The following MED15 variants were observed in gnomAD, a reference collection of about 807,000 sequenced individuals.
The protein encoded by MED15 is mediator complex subunit 15.
MED15 carries 41 observed loss-of-function variants against 118.7 expected under a neutral mutation model. That is an observed-to-expected ratio of 0.35 (90% CI 0.27 to 0.45). MED15 has a LOEUF of 0.45. Ranked by LOEUF, MED15 falls within the 20% of genes least tolerant of loss-of-function variation. The pLI, the probability that MED15 is intolerant of heterozygous loss-of-function variation, is 1.00. For missense variants in MED15, 740 were observed against 1,025.5 expected, an observed-to-expected ratio of 0.72 and a Z score of 3.80; for synonymous variants, 436 against 413.9, an observed-to-expected ratio of 1.05 and a Z score of -0.65.
intron 8 of MED15, among the ~76,000 whole-genome samples, chr22:20,572,174 T>C (rs1601617079): frequency 6.6e-6 from 1 of 152,246 alleles, no homozygotes; most frequent in South Asian, 2.1e-4. Context: ...ATGGTTCACT[T>C]TGAGGGCCTT....
chr22:20,584,288 G>GT, intron 13 of MED15, 71 bp from the exon 14 acceptor site: 1 of 1,484,792 alleles, frequency 6.7e-7, no homozygotes, highest in South Asian at 1.1e-5. Context: ...CCCAGTGGCA[G>GT]TAGTTGGGAT....
intron 1 of MED15, among the ~76,000 whole-genome samples, chr22:20,535,872 CTT>C (rs536712415): frequency 0.085 from 8,330 of 97,940 alleles, 235 homozygotes; most frequent in Non-Finnish European, 0.12. Context: ...TTCTTTCTTT[CTT>C]TTTTTTTTTT....
At chr22:20,516,013 A>AAAC (rs1569167494) in intron 1 of MED15, among the ~76,000 whole-genome samples, 11 of 92,888 alleles carry the variant, frequency 1.2e-4, no homozygotes, top group African/African-American at 4.0e-4. Context: ...AACAAACAAA[A>AAAC]AAAATTAAAA....
At chr22:20,552,925 C>T (rs2055837453) in intron 3 of MED15, among the ~76,000 whole-genome samples, 1 of 152,158 alleles carries the variant, frequency 6.6e-6, no homozygotes, top group Non-Finnish European at 1.5e-5. Flanking sequence ...CCCTAAGGCC[C>T]CAGGTTGACC....
intron 6 of MED15, among the ~76,000 whole-genome samples, chr22:20,565,160 G>A (rs2056391331): frequency 6.6e-6 from 1 of 152,178 alleles, no homozygotes; most frequent in Non-Finnish European, 1.5e-5. Context: ...CAAAAGTCTG[G>A]GACAGGCAGG....
intron 5 of MED15, among the ~76,000 whole-genome samples, chr22:20,562,641 C>T (rs141189607): frequency 3.3e-5 from 5 of 152,258 alleles, no homozygotes; most frequent in African/African-American, 1.2e-4. Flanking sequence ...CTGAGCCTCC[C>T]GAAGTGCTGG....
intron 9 of MED15, among the ~76,000 whole-genome samples, chr22:20,579,767 C>G (rs2056923920): frequency 6.6e-6 from 1 of 152,070 alleles, no homozygotes; most frequent in African/African-American, 2.4e-5. Flanking sequence ...CCTGAGCTCC[C>G]TTCATCACTA....
chr22:20,578,871 C>T (rs919590023), intron 9 of MED15, among the ~76,000 whole-genome samples: 3 of 152,186 alleles, frequency 2.0e-5, no homozygotes, highest in Non-Finnish European at 4.4e-5. Flanking sequence ...GTACGTGCCC[C>T]ATGGGCTCTT....
rs528653147 is a variant in MED15, at chr22:20,568,642, G to A, written c.1152+11G>A. On this transcript the variant is annotated intron_variant, in intron 8 of 17. Transcript: ENST00000263205. ...GCTCCCGGAGTCCAGGTGAGGGCCT[G>A]GGGGTGGAGGGCTCCATAGTCATCA... The A allele has an allele frequency of 6.2e-7, 1 of 1,611,168 alleles. No homozygotes were observed. Among genetic ancestry groups the A allele is most frequent in the Admixed American group, 1.7e-5 (1 of 59,752 alleles).
intron 2 of MED15, 123 bp from the exon 3 acceptor site, chr22:20,551,313 G>T (rs200241021): frequency 1.1e-6 from 1 of 891,326 alleles, no homozygotes; most frequent in African/African-American, 1.6e-5. Flanking sequence ...CCGAGCAAGC[G>T]TCTGAATCTG....
At chr22:20,553,633 G>A (rs2055874825) in intron 4 of MED15, among the ~76,000 whole-genome samples, 1 of 152,212 alleles carries the variant, frequency 6.6e-6, no homozygotes. Flanking sequence ...AACACTGTGG[G>A]AGGCTGAGGC....
At chr22:20,508,358 C>A (rs1017668110) in intron 1 of MED15, 41 of 1,304,122 alleles carry the variant, frequency 3.1e-5, no homozygotes, top group Admixed American at 2.1e-4. Flanking sequence ...CTCAGAGGAA[C>A]TCTAGCCCCT....
intron 1 of MED15, among the ~76,000 whole-genome samples, chr22:20,532,461 A>G (rs1196602741): frequency 6.6e-6 from 1 of 152,162 alleles, no homozygotes; most frequent in African/African-American, 2.4e-5. Flanking sequence ...TGTAATGATG[A>G]ATCGGTCCCC....
At chr22:20,543,100 C>T (rs957274771) in intron 2 of MED15, among the ~76,000 whole-genome samples, 10 of 144,612 alleles carry the variant, frequency 6.9e-5, no homozygotes, top group South Asian at 2.2e-4. Flanking sequence ...CCCTCAATTT[C>T]TCTCTCTTCT....
chr22:20,564,487 GCAGCAACAGCAGCAGTTC>G lies in MED15; in HGVS notation c.495_512del (p.Phe169_Gln174del), dbSNP rs1569226458. 2.5e-6 allele frequency: 4 copies of G among 1,611,264 alleles called. No individual in the cohort carries two copies. The highest frequency in any genetic ancestry group is 1.7e-5 in the Admixed American group (1 of 59,982). ...TCCAGCAGGTGGCGCTGCAGCAGCA[GCAGCAACAGCAGCAGTTC>G]CAGCAGCAGCAGCAGGCGGCGCTAC... On this transcript the variant is annotated inframe_deletion, in exon 6 of 18. Coordinates refer to ENST00000263205, the MANE Select transcript of MED15 (RefSeq NM_001003891.3).
rs1407890880 is a variant in MED15 at position 20,586,744 on chromosome 22, A to G, written c.*40A>G. 6.2e-7 allele frequency: 1 copy of G among 1,606,656 alleles called. No individual in the cohort carries two copies. The highest frequency in any genetic ancestry group is 2.2e-5 in the East Asian group (1 of 44,832). On this transcript the variant is annotated 3_prime_UTR_variant, in exon 18 of 18. Transcript: ENST00000263205. ...ATGGCCCGCAGCCTCATCGGGGCCA[A>G]GGACACACGCCTCCTGTCAGACACT...
chr22:20,508,379 T>A, intron 1 of MED15: 1 of 1,304,244 alleles, frequency 7.7e-7, no homozygotes, highest in African/African-American at 1.5e-5. Context: ...CACCACCGAC[T>A]GCTTGTTTCT....
At chr22:20,525,979 G>A (rs1051436711) in intron 1 of MED15, among the ~76,000 whole-genome samples, 5 of 150,848 alleles carry the variant, frequency 3.3e-5, no homozygotes, top group African/African-American at 1.2e-4. Context: ...GTAGTGTAGT[G>A]GCACGATTTT....
At chr22:20,508,969 C>T (rs1188295454) in intron 1 of MED15, among the ~76,000 whole-genome samples, 2 of 152,166 alleles carry the variant, frequency 1.3e-5, no homozygotes, top group Non-Finnish European at 2.9e-5. Flanking sequence ...GCAGGGGTTT[C>T]TTGCGAAGCG....
Sources: gnomAD v4.1 joint callset for allele counts (sites outside exome capture counted in the v4.1 genomes callset) on GRCh38, gnomAD v4.1.1 for gene constraint, MANE v1.5 for transcripts, NCBI Gene and HGNC (gene_info 2026-07-23, HGNC 2026-07-21) for gene names.